Variants in FNBP1L observed in about 807,000 individuals in gnomAD.
The protein encoded by FNBP1L is formin-binding protein 1-like.
Under a neutral mutation model 91.2 loss-of-function variants are expected in FNBP1L, and 36 were observed. That is an observed-to-expected ratio of 0.39 (90% CI 0.30 to 0.52). The LOEUF is 0.52. Among genes scored for constraint, FNBP1L ranks in the 20% least tolerant of loss-of-function variants. The probability of loss-of-function intolerance (pLI) is 0.66; values close to 1 mark genes in which losing one functional copy is unlikely to be tolerated. For missense variants in FNBP1L, 571 were observed against 732.1 expected, an observed-to-expected ratio of 0.78 and a Z score of 2.54; for synonymous variants, 242 against 237.0, an observed-to-expected ratio of 1.02 and a Z score of -0.19.
chr1:93,542,346 A>G (rs1177307180), intron 11 of FNBP1L, among the ~76,000 whole-genome samples: 4 of 150,742 alleles, frequency 2.7e-5, no homozygotes, highest in Non-Finnish European at 5.9e-5. Flanking sequence ...CAAATTAACC[A>G]GTAAATCTAA....
rs189330963 is a variant in FNBP1L at position 93,499,601 on chromosome 1, T to C, written c.140+18T>C. 8 of 1,446,092 alleles carry C rather than the reference T, an allele frequency of 5.5e-6. No homozygotes were observed. The African/African-American group carries it at 8.6e-5, about 15-fold the overall frequency. 89.6% of individuals were successfully genotyped at this position (1,446,092 alleles called of 1,614,324 possible). A position where few individuals can be genotyped will look rare whatever the true frequency, so the allele number is the denominator to read the frequency against. On this transcript the variant is annotated intron_variant, in intron 2 of 16. Transcript: ENST00000271234. ...CAATTGAGGTAAGTTAATTTTTTTT[T>C]CAGTTTTTAGAATGAAATTACATGT...
chr1:93,544,574 A>G (rs1327580936), intron 12 of FNBP1L, among the ~76,000 whole-genome samples: 1 of 152,168 alleles, frequency 6.6e-6, no homozygotes, highest in Non-Finnish European at 1.5e-5. Flanking sequence ...ATTTTGTAGC[A>G]AAACATTTGG....
chr1:93,551,449 C>G (rs373416561), intron 16 of FNBP1L: 5 of 996,898 alleles, frequency 5.0e-6, no homozygotes, highest in Middle Eastern at 5.1e-4. Context: ...TAGTAATGCT[C>G]TCTGCCCCCT....
intron 10 of FNBP1L, among the ~76,000 whole-genome samples, chr1:93,538,201 A>T (rs1198743649): frequency 6.6e-6 from 1 of 152,002 alleles, no homozygotes; most frequent in Admixed American, 6.6e-5. Context: ...AAGGAAAAAA[A>T]AAACTCAGGC....
chr1:93,527,159 A>G (rs530600047), intron 5 of FNBP1L, among the ~76,000 whole-genome samples: 94 of 152,344 alleles, frequency 6.2e-4, no homozygotes, highest in Middle Eastern at 6.8e-3. Context: ...TTATAGGCCT[A>G]TCTGGTTGTA....
intron 1 of FNBP1L, among the ~76,000 whole-genome samples, chr1:93,465,940 TTC>T (rs1270433095): frequency 1.3e-5 from 2 of 152,264 alleles, no homozygotes; most frequent in Non-Finnish European, 2.9e-5. Context: ...TGATTTGCAT[TTC>T]TCTGATGACC....
At chr1:93,525,689 GT>G (rs1299683389) in intron 5 of FNBP1L, among the ~76,000 whole-genome samples, 1 of 152,112 alleles carries the variant, frequency 6.6e-6, no homozygotes, top group East Asian at 1.9e-4. Flanking sequence ...TTAAGCAAAA[GT>G]TTTAGAGGTC....
chr1:93,470,305 G>T (rs191477439), intron 1 of FNBP1L, among the ~76,000 whole-genome samples: 1 of 151,846 alleles, frequency 6.6e-6, no homozygotes, highest in Non-Finnish European at 1.5e-5. Context: ...TAATTTTTTT[G>T]TGTGTGGATA....
rs981748208 is a variant in FNBP1L at position 93,481,415 on chromosome 1, TAAGA to T, written c.25-18049_25-18046del. The stretch of plus-strand genomic sequence containing the variant: ...TTGTAACTACTTAGTATTAACACCA[TAAGA>T]AAGGAAAACAATATTGATGTCTGAC... On this transcript the variant is annotated intron_variant, in intron 1 of 16. Transcript: ENST00000271234. Among the ~76,000 whole-genome samples the T allele has an allele frequency of 3.9e-5, 6 of 152,176 alleles. 1 individual carries two copies. The highest frequency in any genetic ancestry group is 2.1e-4 in the South Asian group (1 of 4,832).
chr1:93,534,972 A>G lies in FNBP1L; in HGVS notation c.990+64A>G, dbSNP rs147331550. ...GTGTACCAACTAAAACAATGTGGGTATTGAATGCAAAATGATTTACCATTA... is the reference window on the plus strand; with the variant it reads ...GTGTACCAACTAAAACAATGTGGGTGTTGAATGCAAAATGATTTACCATTA... On this transcript the variant is annotated intron_variant, in intron 9 of 16. Coordinates refer to ENST00000271234, the MANE Select transcript of FNBP1L (RefSeq NM_001164473.3). The G allele has an allele frequency of 1.3e-3, 1,654 of 1,292,706 alleles. 31 individuals are homozygous for G. In the Admixed American group the frequency reaches 0.029, roughly 23 times the overall value. 80.1% of individuals were successfully genotyped at this position (1,292,706 alleles called of 1,614,324 possible). A position where few individuals can be genotyped will look rare whatever the true frequency, so the allele number is the denominator to read the frequency against.
intron 10 of FNBP1L, among the ~76,000 whole-genome samples, chr1:93,538,696 T>A (rs908279308): frequency 3.9e-5 from 6 of 152,116 alleles, no homozygotes; most frequent in Non-Finnish European, 8.8e-5. Flanking sequence ...CCTGCTTATA[T>A]GTTTTTACAT....
chr1:93,534,152 A>G (rs1671771115), intron 8 of FNBP1L, among the ~76,000 whole-genome samples: 1 of 152,118 alleles, frequency 6.6e-6, no homozygotes, highest in Non-Finnish European at 1.5e-5. Flanking sequence ...TGTTTATGAG[A>G]TCTTTTCCCT....
chr1:93,477,267 G>C (rs945460156), intron 1 of FNBP1L, among the ~76,000 whole-genome samples: 4 of 152,216 alleles, frequency 2.6e-5, no homozygotes, highest in Non-Finnish European at 4.4e-5. Flanking sequence ...TTATTACAAA[G>C]TGAGTGTATC....
At chr1:93,449,476 A>G (rs7539210) in intron 1 of FNBP1L, among the ~76,000 whole-genome samples, 29,523 of 152,154 alleles carry the variant, frequency 0.19, 4,961 homozygotes, top group African/African-American at 0.46. Flanking sequence ...GTGCCCAGCT[A>G]GGGTGGGAGT....
intron 1 of FNBP1L, chr1:93,488,463 T>A (rs1570795168): frequency 6.6e-6 from 1 of 152,258 alleles, no homozygotes; most frequent in East Asian, 1.9e-4. Flanking sequence ...CTTGAGCTAG[T>A]TTTTAATCAA....
chr1:93,543,990 G>GA, intron 11 of FNBP1L, 117 bp from the exon 12 acceptor site: 1 of 568,118 alleles, frequency 1.8e-6, no homozygotes, highest in East Asian at 3.5e-5. Flanking sequence ...GGGGTTGCTT[G>GA]AGGCAAATTT....
intron 15 of FNBP1L, among the ~76,000 whole-genome samples, 173 bp from the exon 16 acceptor site, chr1:93,550,774 T>C (rs1672384894): frequency 6.6e-6 from 1 of 152,200 alleles, no homozygotes; most frequent in African/African-American, 2.4e-5. Flanking sequence ...AGAGAATGTA[T>C]ATGAAAGTGC....
intron 2 of FNBP1L, among the ~76,000 whole-genome samples, chr1:93,507,101 ACACACACTCTCTCTCTCT>A (rs1670656441): frequency 1.6e-4 from 9 of 56,696 alleles, no homozygotes; most frequent in South Asian, 7.7e-4. Context: ...ACACACACAC[ACACACACTCTCTCTCTCT>A]CTCTCTCTCT....
At chr1:93,476,255 T>C (rs1484377517) in intron 1 of FNBP1L, among the ~76,000 whole-genome samples, 2 of 152,180 alleles carry the variant, frequency 1.3e-5, no homozygotes, top group Non-Finnish European at 2.9e-5. Flanking sequence ...AAGTGTAGAA[T>C]CTGCTTTTAA....
Sources: allele counts gnomAD v4.1 joint callset (sites outside exome capture counted in the v4.1 genomes callset), GRCh38; gene constraint gnomAD v4.1.1; transcripts MANE v1.5; gene names NCBI Gene and HGNC (gene_info 2026-07-23, HGNC 2026-07-21).